The following TEKT3 variants were observed in gnomAD, a reference collection of about 807,000 sequenced individuals.
The protein encoded by TEKT3 is tektin 3, also known as tektin-3.
In TEKT3, 49 loss-of-function variants were observed where a neutral mutation model predicts 49.8. The ratio of observed to expected loss-of-function variants is 0.98; its 90% confidence interval spans 0.78 to 1.25. The LOEUF is 1.25. Among genes scored for constraint, TEKT3 ranks in the 50% most tolerant of loss-of-function variants. The pLI is 0.00. For missense variants in TEKT3, 595 were observed against 629.5 expected (o/e 0.95, Z 0.59); for synonymous variants, 225 against 237.2 (o/e 0.95, Z 0.47).
At chr17:15,329,504 G>A (rs1017129635) in intron 3 of TEKT3, among the ~76,000 whole-genome samples, 1 of 152,216 alleles carries the variant, frequency 6.6e-6, no homozygotes, top group African/African-American at 2.4e-5. Flanking sequence ...AGGCAGTCAA[G>A]GGTAGGAAGA....
Position 15,312,384 on chromosome 17 carries a change from C to T in TEKT3, c.976G>A (p.Glu326Lys), listed in dbSNP as rs780415939. 1.2e-6 allele frequency: 2 copies of T among 1,614,212 alleles called. No homozygotes were observed. Among genetic ancestry groups the T allele is most frequent in the Admixed American group, 1.7e-5 (1 of 60,028 alleles). ...TTGGCAGTCACAACCAAGAGGTTTTCAATGTCGTCTCTTAGCTTAGCGGAA... is the reference window on the plus strand; with the variant it reads ...TTGGCAGTCACAACCAAGAGGTTTTTAATGTCGTCTCTTAGCTTAGCGGAA... ...AASAKLRDDI[E>K]NLLVVTANEM... Residue 326 changes from glutamate to lysine, a missense_variant, in exon 7 of 9, where the codon GAA becomes AAA. By Grantham distance (56) the Glu-to-Lys change is moderately conservative (BLOSUM62 1). Coordinates refer to ENST00000395930, the MANE Select transcript of TEKT3 (RefSeq NM_031898.3).
intron 2 of TEKT3, among the ~76,000 whole-genome samples, chr17:15,335,085 T>C (rs1911928180): frequency 6.6e-6 from 1 of 152,176 alleles, no homozygotes; most frequent in Non-Finnish European, 1.5e-5. Context: ...CCTCTGATTG[T>C]CAAGGTATTG....
At chr17:15,318,156 A>C (rs1555530015) in intron 5 of TEKT3, among the ~76,000 whole-genome samples, 1 of 151,178 alleles carries the variant, frequency 6.6e-6, no homozygotes, top group Non-Finnish European at 1.5e-5. Flanking sequence ...TGCCCGGCTA[A>C]TTTTTTGTAT....
chr17:15,322,357 C>T (rs1350287446), intron 4 of TEKT3, among the ~76,000 whole-genome samples: 1 of 152,198 alleles, frequency 6.6e-6, no homozygotes, highest in Non-Finnish European at 1.5e-5. Context: ...CCCATCTTTC[C>T]AGGCTATTGG....
intron 7 of TEKT3, among the ~76,000 whole-genome samples, chr17:15,309,958 A>G (rs1410790163): frequency 6.6e-6 from 1 of 152,058 alleles, no homozygotes; most frequent in African/African-American, 2.4e-5. Flanking sequence ...TGTCTCTGCA[A>G]TATCCTTTCT....
At chr17:15,314,370 C>G in intron 5 of TEKT3, 140 bp from the exon 6 acceptor site, 1 of 1,210,352 alleles carries the variant, frequency 8.3e-7, no homozygotes, top group Non-Finnish European at 1.2e-6. Flanking sequence ...TTCAATTTCT[C>G]AGTCAAAACG....
At chr17:15,329,228 T>A (rs1174424299) in intron 3 of TEKT3, among the ~76,000 whole-genome samples, 2 of 152,250 alleles carry the variant, frequency 1.3e-5, no homozygotes, top group African/African-American at 4.8e-5. Context: ...TTTAACATTT[T>A]TTCTTATATT....
At chr17:15,317,517 A>G (rs1194260412) in intron 5 of TEKT3, among the ~76,000 whole-genome samples, 2 of 152,194 alleles carry the variant, frequency 1.3e-5, no homozygotes, top group Non-Finnish European at 2.9e-5. Context: ...CCTTCCAGTC[A>G]CAGCTCGAGA....
At chr17:15,318,969 A>T in intron 5 of TEKT3, 108 bp downstream of exon 5, 1 of 815,352 alleles carries the variant, frequency 1.2e-6, no homozygotes, top group Non-Finnish European at 2.0e-6. Flanking sequence ...ATATGTGTAT[A>T]TGCCTGTGTG....
intron 2 of TEKT3, among the ~76,000 whole-genome samples, chr17:15,332,561 G>A (rs1380184): frequency 0.3 from 45,338 of 152,014 alleles, 7,225 homozygotes; most frequent in African/African-American, 0.39. Context: ...CCATCTGGAT[G>A]ACAATGGTGT....
At chr17:15,315,055 G>T (rs1317042073) in intron 5 of TEKT3, among the ~76,000 whole-genome samples, 1 of 152,190 alleles carries the variant, frequency 6.6e-6, no homozygotes, top group East Asian at 1.9e-4. Flanking sequence ...CCTCCTATGT[G>T]GCAGACACCA....
At chr17:15,338,496 C>T (rs1219682085) in intron 2 of TEKT3, 2 of 150,984 alleles carry the variant, frequency 1.3e-5, no homozygotes, top group Non-Finnish European at 3.0e-5. Context: ...TAAATTCTAA[C>T]TCAGTCAATT....
rs531886520 is a variant in TEKT3, at chr17:15,317,122, G to A, written c.734+1955C>T. On this transcript the variant is annotated intron_variant, in intron 5 of 8. Transcript: ENST00000395930. ...CCACAAATCCTGGAGAAGCCATCCC[G>A]GGAAGTGAGGTAGGCATTATGCCCA... 8.5e-5 allele frequency among the ~76,000 whole-genome samples: 13 copies of A among 152,242 alleles called. No individual in the cohort carries two copies. The East Asian group carries it at 1.7e-3, about 20-fold the overall frequency.
At chr17:15,305,934 A>G (rs928728536) in intron 8 of TEKT3, among the ~76,000 whole-genome samples, 2 of 151,880 alleles carry the variant, frequency 1.3e-5, no homozygotes, top group Admixed American at 6.6e-5. Flanking sequence ...TCAAGGCCCT[A>G]TTTCACTCCC....
At chr17:15,305,247 G>T (rs1910494814) in intron 8 of TEKT3, among the ~76,000 whole-genome samples, 1 of 152,196 alleles carries the variant, frequency 6.6e-6, no homozygotes, top group South Asian at 2.1e-4. Context: ...CTAAGAAGAG[G>T]AAGGCTGTGG....
intron 2 of TEKT3, among the ~76,000 whole-genome samples, chr17:15,334,194 A>G (rs184377133): frequency 3.3e-5 from 5 of 152,164 alleles, no homozygotes; most frequent in African/African-American, 1.2e-4. Context: ...AGCTACAAAC[A>G]CACACCACCA....
chr17:15,310,883 T>C (rs929173390), intron 7 of TEKT3: 1 of 151,400 alleles, frequency 6.6e-6, no homozygotes, highest in African/African-American at 2.4e-5. Flanking sequence ...TTTTCCATGT[T>C]CCTCTCCCAG....
In TEKT3 at chr17:15,331,042, C is replaced by A. The variant is rs567640994; in HGVS notation, c.544G>T (p.Glu182Ter). The change falls in exon 3 of 9, where the codon GAG becomes TAG. Residue 182 changes from glutamate (E) to a stop codon, truncating the protein, a stop_gained. Coordinates refer to ENST00000395930, the MANE Select transcript of TEKT3 (RefSeq NM_031898.3). LOFTEE classifies it high-confidence loss of function. ...GCTTCAGTCTCCATCAAAGCCCGCT[C>A]CAGTCTTTTCTTCACATCAGTAAGT... ...NALTDVKKRL[E>*]RALMETEAPL... 1.9e-6 allele frequency: 3 copies of A among 1,613,766 alleles called. No homozygotes were observed. In the East Asian group the frequency reaches 6.7e-5, roughly 36 times the overall value.
At chr17:15,321,378 G>T (rs1456074162) in intron 4 of TEKT3, among the ~76,000 whole-genome samples, 1 of 152,148 alleles carries the variant, frequency 6.6e-6, no homozygotes, top group Non-Finnish European at 1.5e-5. Context: ...AGGCAGAAGG[G>T]TTCACAAGAA....
Sources: allele counts gnomAD v4.1 joint callset (sites outside exome capture counted in the v4.1 genomes callset), GRCh38; gene constraint gnomAD v4.1.1; transcripts MANE v1.5; gene names NCBI Gene and HGNC (gene_info 2026-07-23, HGNC 2026-07-21).